The following CD40LG variants were observed in gnomAD, a reference collection of about 807,000 sequenced individuals.
The protein encoded by CD40LG is CD40 antigen ligand.
A neutral mutation model predicts 17.2 loss-of-function variants in CD40LG; 1 was observed. The ratio of observed to expected loss-of-function variants is 0.06; its 90% CI spans 0.02 to 0.28. The LOEUF is 0.28. CD40LG is among the 10% of genes least tolerant of loss of function. The probability of loss-of-function intolerance (pLI) is 1.00; values close to 1 mark genes in which losing one functional copy is unlikely to be tolerated. For synonymous variants in CD40LG, 66 were observed against 74.4 expected, an observed-to-expected ratio of 0.89 and a Z score of 0.58; for missense variants, 133 against 193.2, an observed-to-expected ratio of 0.69 and a Z score of 1.85.
At chrX:136,650,168 C>A in intron 1 of CD40LG, 98 bp from the exon 2 acceptor site, 1 of 603,436 alleles carries the variant, frequency 1.7e-6, no homozygotes, top group Non-Finnish European at 2.8e-6. Flanking sequence ...GAAAGTCCTC[C>A]TCTTGTTGAT....
intron 2 of CD40LG, among the ~76,000 whole-genome samples, chrX:136,650,739 C>T (rs1486284966): frequency 9.0e-6 from 1 of 111,317 alleles, no homozygotes; most frequent in Non-Finnish European, 1.9e-5. Flanking sequence ...TTGATGCTCT[C>T]GCACTGGGGA....
chrX:136,650,546 C>T lies in CD40LG; in HGVS notation c.288+149C>T, dbSNP rs766288183. 4 of 508,392 alleles carry T rather than the reference C, an allele frequency of 7.9e-6. No individual in the cohort carries two copies. In the South Asian group the frequency reaches 1.2e-4, roughly 15 times the overall value. 41.9% of individuals were successfully genotyped at this position (508,392 alleles called of 1,213,427 possible). ...ACATATATATGCATGCAGATATACA[C>T]ACATACATGGGTGTGTGTGTGGGGG... On this transcript the variant is annotated intron_variant, in intron 2 of 4. Transcript: ENST00000370629.
intron 2 of CD40LG, among the ~76,000 whole-genome samples, chrX:136,651,313 G>T (rs1446310571): frequency 9.0e-6 from 1 of 111,102 alleles, no homozygotes; most frequent in Non-Finnish European, 1.9e-5. Flanking sequence ...ACAGTTCTGG[G>T]CCAGGTGGGT....
In CD40LG at chrX:136,660,084, C is replaced by T. The variant is rs1325481045; in HGVS notation, c.*669C>T. 1 of 99,934 alleles carries T rather than the reference C, an allele frequency of 1.0e-5. No individual in the cohort carries two copies. The highest frequency in any genetic ancestry group is 2.0e-5 in the Non-Finnish European group (1 of 49,816). The allele number at this position is 99,934 out of a possible 1,213,427, so 8.2% of individuals were successfully genotyped here. On this transcript the variant is annotated 3_prime_UTR_variant, in exon 5 of 5. Coordinates refer to ENST00000370629, the MANE Select transcript of CD40LG (RefSeq NM_000074.3). The stretch of plus-strand genomic sequence containing the variant: ...GTCAGTCTCTTCCCTCCCCCAGTCT[C>T]TCTTCTCAATCCCCCTTTCTAACAC...
At chrX:136,653,907 A>G (rs1196464140) in intron 2 of CD40LG, among the ~76,000 whole-genome samples, 2 of 112,272 alleles carry the variant, frequency 1.8e-5, no homozygotes, top group East Asian at 2.8e-4. Context: ...TTTCTCCCCA[A>G]GGTCAAACTT....
At chrX:136,656,749 C>T (rs557719849) in intron 4 of CD40LG, among the ~76,000 whole-genome samples, 374 of 111,615 alleles carry the variant, frequency 3.4e-3, no homozygotes, top group Middle Eastern at 4.6e-3. Flanking sequence ...CTGGGAGCAT[C>T]CCTCCTCCTA....
chrX:136,655,148 C>T (rs896608441), intron 3 of CD40LG, among the ~76,000 whole-genome samples: 1 of 111,511 alleles, frequency 9.0e-6, no homozygotes, highest in Non-Finnish European at 1.9e-5. Context: ...CTCATTGGTC[C>T]CAGTTCTGCT....
At chrX:136,657,242 G>A (rs2076121869) in intron 4 of CD40LG, among the ~76,000 whole-genome samples, 1 of 111,726 alleles carries the variant, frequency 9.0e-6, no homozygotes, top group Non-Finnish European at 1.9e-5. Flanking sequence ...GATGGACAGA[G>A]AGAGAAAAAA....
chrX:136,648,665 A>G (rs2076095934), intron 1 of CD40LG, among the ~76,000 whole-genome samples: 1 of 111,893 alleles, frequency 8.9e-6, no homozygotes, highest in Non-Finnish European at 1.9e-5. Context: ...CAGTTTCCAC[A>G]TCTGAGAAAT....
At chrX:136,652,303 C>G (rs781517061) in intron 2 of CD40LG, among the ~76,000 whole-genome samples, 27 of 111,444 alleles carry the variant, frequency 2.4e-4, no homozygotes, top group Non-Finnish European at 4.5e-4. Flanking sequence ...CTTTCCAATA[C>G]GCTTTCCCCC....
chrX:136,654,215 A>G (rs1039766322), intron 2 of CD40LG, among the ~76,000 whole-genome samples, 158 bp from the exon 3 acceptor site: 14 of 111,470 alleles, frequency 1.3e-4, no homozygotes, highest in African/African-American at 4.6e-4. Flanking sequence ...TGGACTCCCA[A>G]TTGGCATGAT....
At chrX:136,653,734 G>A (rs776217601) in intron 2 of CD40LG, among the ~76,000 whole-genome samples, 4 of 112,313 alleles carry the variant, frequency 3.6e-5, no homozygotes, top group Admixed American at 1.9e-4. Context: ...AAGAAGTGTC[G>A]CACTTGCCTT....
chrX:136,651,764 G>C (rs1006487129), intron 2 of CD40LG, among the ~76,000 whole-genome samples: 33 of 111,814 alleles, frequency 3.0e-4, no homozygotes, highest in Admixed American at 2.9e-3. Context: ...ATGTGACTTT[G>C]GGTAAATAAC....
Position 136,650,510 on chromosome X carries a change from G to GAC in CD40LG, c.288+125_288+126dup, listed in dbSNP as rs201542093. ...GATTGGTTATAGACACAGACACACA[G>GAC]ACACACACACACATATATATGCATG... On this transcript the variant is annotated intron_variant, in intron 2 of 4. Coordinates refer to ENST00000370629, the MANE Select transcript of CD40LG (RefSeq NM_000074.3). 0.024 allele frequency: 14,825 copies of GAC among 611,548 alleles called. 1,133 individuals are homozygous for GAC. The African/African-American group carries it at 0.25, about 10-fold the overall frequency. The allele number at this position is 611,548 out of a possible 1,213,427, so 50.4% of individuals were successfully genotyped here.
In CD40LG at chrX:136,659,589, G is replaced by T. The variant is rs2076128804; in HGVS notation, c.*174G>T. 1 of 521,395 alleles carries T rather than the reference G, an allele frequency of 1.9e-6. No individual in the cohort carries two copies. The highest frequency in any genetic ancestry group is 3.7e-5 in the East Asian group (1 of 27,313). The allele number at this position is 521,395 out of a possible 1,213,427, so 43.0% of individuals were successfully genotyped here. A position where few individuals can be genotyped will look rare whatever the true frequency, so the allele number is the denominator to read the frequency against. Reference sequence around the variant, plus strand: ...TAGAACTGTAATAAGTGAATTACAGGTCACATGAAACCAAAACGGGCCCTG... The same window carrying T: ...TAGAACTGTAATAAGTGAATTACAGTTCACATGAAACCAAAACGGGCCCTG... On this transcript the variant is annotated 3_prime_UTR_variant, in exon 5 of 5. Transcript: ENST00000370629.
chrX:136,657,518 C>T (rs1427367982), intron 4 of CD40LG, among the ~76,000 whole-genome samples: 2 of 111,768 alleles, frequency 1.8e-5, no homozygotes, highest in East Asian at 5.6e-4. Context: ...CTGTCGAGTG[C>T]TGTACAACCG....
intron 4 of CD40LG, 119 bp from the exon 5 acceptor site, chrX:136,658,920 G>C: frequency 1.3e-6 from 1 of 764,977 alleles, no homozygotes. Context: ...CCCATGGAAG[G>C]GGCCTTGAGA....
At chrX:136,649,899 A>C (rs2076099161) in intron 1 of CD40LG, among the ~76,000 whole-genome samples, 1 of 112,654 alleles carries the variant, frequency 8.9e-6, no homozygotes, top group African/African-American at 3.2e-5. Context: ...GCTCTGCAGA[A>C]AACTATTTTC....
chrX:136,648,824 T>A (rs1224908970), intron 1 of CD40LG, among the ~76,000 whole-genome samples: 1 of 112,543 alleles, frequency 8.9e-6, no homozygotes, highest in African/African-American at 3.2e-5. Flanking sequence ...TATTTTTTTA[T>A]GGAGACAGCT....
Sources: allele counts gnomAD v4.1 joint callset (sites outside exome capture counted in the v4.1 genomes callset), GRCh38; gene constraint gnomAD v4.1.1; transcripts MANE v1.5; gene names NCBI Gene and HGNC (gene_info 2026-07-23, HGNC 2026-07-21).